ROS1: variants seen among roughly 807,000 people sequenced by gnomAD.
The protein encoded by ROS1 is ROS proto-oncogene 1, receptor tyrosine kinase.
In ROS1, 263 loss-of-function variants were observed where a neutral mutation model predicts 273.5. The observed-to-expected ratio is 0.96, with a 90% confidence interval of 0.87 to 1.06. The LOEUF (loss-of-function observed/expected upper bound fraction) is 1.06. ROS1 is among the 50% of genes least tolerant of loss of function. ROS1 has a pLI of 0.00. For synonymous variants in ROS1, 1,008 were observed against 954.1 expected (o/e 1.06, Z -1.04); for missense variants, 2,833 against 2,751.1 (o/e 1.03, Z -0.67).
In ROS1 at chr6:117,328,786, G is replaced by A. The variant is rs371101722; in HGVS notation, c.5348+543C>T. 61 of 613,560 alleles carry A rather than the reference G, an allele frequency of 9.9e-5. No homozygotes were observed. In the African/African-American group the frequency reaches 1.1e-3, roughly 11 times the overall value. The allele number at this position is 613,560 out of a possible 1,614,324, so 38.0% of individuals were successfully genotyped here. ...GTCTGAGGCTGTTCATCAGTGGCTG[G>A]TTTTCATCGACGGTGTGTTTTCAGT... On this transcript the variant is annotated intron_variant, in intron 33 of 43. Transcript: ENST00000368507.
At chr6:117,371,216 C>T (rs1287024156) in intron 18 of ROS1, among the ~76,000 whole-genome samples, 1 of 152,160 alleles carries the variant, frequency 6.6e-6, no homozygotes, top group East Asian at 1.9e-4. Flanking sequence ...AAGGAAGAGG[C>T]TTGCTGCTGT....
At chr6:117,343,874 T>C (rs1177459479) in intron 28 of ROS1, among the ~76,000 whole-genome samples, 186 bp downstream of exon 28, 4 of 152,178 alleles carry the variant, frequency 2.6e-5, no homozygotes, top group South Asian at 2.1e-4. Context: ...ATATACTTCC[T>C]TGAAGCTTAA....
Position 117,365,677 on chromosome 6 carries a change from T to C in ROS1, c.2862A>G (p.Glu954=), listed in dbSNP as rs2229078. The change falls in exon 20 of 44, where the codon GAA becomes GAG. Residue 954 remains glutamate, a synonymous_variant. Transcript: ENST00000368507. The part of the protein sequence containing the change: ...DSVQESSFRI[E]GNASSFQILW... Reference sequence around the variant, plus strand: ...GGATTTGAAAACTTGAAGCATTTCCTTCAATCCTAAATGAAGACTCTTGAA... The same window carrying C: ...GGATTTGAAAACTTGAAGCATTTCCCTCAATCCTAAATGAAGACTCTTGAA... 82,509 of 1,612,220 alleles carry C rather than the reference T, an allele frequency of 0.051. 2,694 individuals carry two copies. Among genetic ancestry groups the C allele is most frequent in the Non-Finnish European group, 0.055 (64,989 of 1,178,802 alleles).
At chr6:117,373,743 G>A (rs371178051) in intron 18 of ROS1, among the ~76,000 whole-genome samples, 43 of 152,340 alleles carry the variant, frequency 2.8e-4, no homozygotes, top group East Asian at 1.5e-3. Context: ...ACAGTGCAGC[G>A]GCAGCCTGAA....
chr6:117,290,915 G>A (rs372130194), intron 43 of ROS1, among the ~76,000 whole-genome samples: 10 of 152,200 alleles, frequency 6.6e-5, no homozygotes, highest in Admixed American at 5.9e-4. Flanking sequence ...TCATTTTATT[G>A]CTTTGCTAAA....
chr6:117,308,527 CACTTAACCAGAAGTATTTT>C (rs1340629240), intron 42 of ROS1, among the ~76,000 whole-genome samples: 1 of 152,028 alleles, frequency 6.6e-6, no homozygotes, highest in South Asian at 2.1e-4. Context: ...TATTAGAATT[CACTTAACCAGAAGTATTTT>C]ACTTAACCAG....
intron 39 of ROS1, among the ~76,000 whole-genome samples, chr6:117,316,221 C>T (rs1582597267): frequency 6.6e-6 from 1 of 151,912 alleles, no homozygotes; most frequent in Non-Finnish European, 1.5e-5. Context: ...AATCAATTTA[C>T]CCCAAATTGA....
At chr6:117,357,740 C>G (rs1229819960) in intron 25 of ROS1, 64 bp downstream of exon 25, 1 of 1,122,476 alleles carries the variant, frequency 8.9e-7, no homozygotes, top group Non-Finnish European at 1.3e-6. Flanking sequence ...AAACCAAAGA[C>G]ATTACATTAA....
chr6:117,330,144 G>A (rs550693412), intron 32 of ROS1, among the ~76,000 whole-genome samples: 2 of 152,362 alleles, frequency 1.3e-5, no homozygotes, highest in East Asian at 1.9e-4. Context: ...GGGAGCCAGC[G>A]AGGCTGGACA....
chr6:117,353,196 A>G, intron 26 of ROS1, 30 bp from the exon 27 acceptor site: 5 of 1,468,418 alleles, frequency 3.4e-6, no homozygotes, highest in Non-Finnish European at 4.6e-6. Context: ...GAATATAAAG[A>G]ACAAAATTAA....
intron 19 of ROS1, among the ~76,000 whole-genome samples, 162 bp downstream of exon 19, chr6:117,365,914 A>C (rs1223219614): frequency 1.3e-5 from 2 of 152,166 alleles, no homozygotes; most frequent in Admixed American, 6.5e-5. Context: ...TCAGGCTGTA[A>C]ATTTGGGTTA....
chr6:117,416,560 G>A (rs1775350492), intron 2 of ROS1, among the ~76,000 whole-genome samples: 1 of 152,146 alleles, frequency 6.6e-6, no homozygotes, highest in Non-Finnish European at 1.5e-5. Flanking sequence ...GTGGAGTTAA[G>A]CCTGGCATGT....
In ROS1 at chr6:117,397,017, A is replaced by G. The variant is rs770860620; in HGVS notation, c.704T>C (p.Leu235Ser). ...GCTGATCAGCCTTAAGTTATAACCCAAAATAGGTCCACCTGGGAATTGAGG... is the reference window on the plus strand; with the variant it reads ...GCTGATCAGCCTTAAGTTATAACCCGAAATAGGTCCACCTGGGAATTGAGG... The part of the protein sequence containing the change: ...DPPQFPGGPI[L>S]GYNLRLISKN... The change falls in exon 8 of 44, where the codon TTG becomes TCG. Residue 235 changes from leucine to serine, a missense_variant. By Grantham distance (145) the Leu-to-Ser change is moderately radical. Coordinates refer to ENST00000368507, the MANE Select transcript of ROS1 (RefSeq NM_001378902.1). 7 of 1,613,892 alleles carry G rather than the reference A, an allele frequency of 4.3e-6. No homozygotes were observed. The highest frequency in any genetic ancestry group is 2.2e-5 in the East Asian group (1 of 44,884).
intron 30 of ROS1, 25 bp from the exon 31 acceptor site, chr6:117,341,336 T>G: frequency 6.2e-7 from 1 of 1,612,648 alleles, no homozygotes; most frequent in Non-Finnish European, 8.5e-7. Context: ...GAACAATTGC[T>G]TAACCTTTTG....
chr6:117,380,542 G>A (rs1772042744), intron 17 of ROS1, among the ~76,000 whole-genome samples: 1 of 151,502 alleles, frequency 6.6e-6, no homozygotes, highest in African/African-American at 2.4e-5. Context: ...ACCTTGTTTG[G>A]TTATTTACAA....
chr6:117,296,075 T>C (rs1311271048), intron 43 of ROS1, among the ~76,000 whole-genome samples: 6 of 152,118 alleles, frequency 3.9e-5, no homozygotes, highest in Non-Finnish European at 7.4e-5. Flanking sequence ...ATAGCTAAGA[T>C]TTGGAAGCAA....
intron 42 of ROS1, among the ~76,000 whole-genome samples, chr6:117,305,619 A>T (rs1339104810): frequency 6.6e-6 from 1 of 152,216 alleles, no homozygotes. Flanking sequence ...GGAGCTATAT[A>T]AGCAACAGTC....
In ROS1 at chr6:117,300,172, T is replaced by G. The variant is rs545147359; in HGVS notation, c.6715+802A>C. Among the ~76,000 whole-genome samples, 18 of 147,474 alleles carry G rather than the reference T, an allele frequency of 1.2e-4. No homozygotes were observed. The East Asian group carries it at 3.0e-3, about 25-fold the overall frequency. ...TTCACTGTGTTAGCCAGGATGCTCT[T>G]GATCTCCTGACCTCATGATCCGCCC... On this transcript the variant is annotated intron_variant, in intron 43 of 43. Transcript: ENST00000368507.
chr6:117,406,768 A>G (rs1206505471), intron 5 of ROS1, among the ~76,000 whole-genome samples: 6 of 152,164 alleles, frequency 3.9e-5, no homozygotes, highest in African/African-American at 9.7e-5. Flanking sequence ...ATAATTTGGT[A>G]GATATTTGAA....
Sources: gnomAD v4.1 joint callset for allele counts (sites outside exome capture counted in the v4.1 genomes callset) on GRCh38, gnomAD v4.1.1 for gene constraint, MANE v1.5 for transcripts, NCBI Gene and HGNC (gene_info 2026-07-23, HGNC 2026-07-21) for gene names.